Variants in GALE observed in about 807,000 individuals in gnomAD.
The protein encoded by GALE is UDP-galactose-4-epimerase, also known as UDP-glucose 4-epimerase.
GALE carries 32 observed loss-of-function variants against 44.1 expected under a neutral mutation model. The ratio of observed to expected loss-of-function variants is 0.73; its 90% confidence interval spans 0.55 to 0.97. GALE has a LOEUF of 0.97. Among genes scored for constraint, GALE ranks in the 50% least tolerant of loss-of-function variants. The probability of loss-of-function intolerance (pLI) is 0.00; values close to 1 mark genes in which losing one functional copy is unlikely to be tolerated. For synonymous variants in GALE, 182 were observed against 183.5 expected (o/e 0.99, Z 0.06); for missense variants, 423 against 455.6 (o/e 0.93, Z 0.65).
intron 5 of GALE, 95 bp from the exon 6 acceptor site, chr1:23,797,966 ACT>A: frequency 7.2e-7 from 1 of 1,392,426 alleles, no homozygotes; most frequent in South Asian, 1.2e-5. Context: ...GGTGATGAGC[ACT>A]CTCATTTACA....
At chr1:23,800,320 C>A in intron 1 of GALE, 1 of 152,750 alleles carries the variant, frequency 6.5e-6, no homozygotes, top group South Asian at 1.9e-4. Context: ...CGAAAGTGGT[C>A]GCAGAGAGGC....
Position 23,796,226 on chromosome 1 carries a change from C to A in GALE, c.913G>T (p.Ala305Ser), listed in dbSNP as rs1252015572. The A allele has an allele frequency of 6.2e-7, 1 of 1,614,040 alleles. No individual in the cohort carries two copies. The highest frequency in any genetic ancestry group is 8.5e-7 in the Non-Finnish European group (1 of 1,180,024). The change falls in exon 11 of 12, where the codon GCA becomes TCA. Residue 305 changes from alanine (A) to serine (S), a missense_variant. Ala to Ser is a moderately conservative substitution (Grantham distance 99). Transcript: ENST00000617979. The surrounding 1 kb of genome is among the most constrained non-coding windows in gnomAD (Gnocchi z 5.2). ...AGGCTGGGGTTGGCGTAACAGGCTG[C>A]CACATCACCTTCCCGCCGTGCCACC... ...KVVARREGDV[A>S]ACYANPSLAQ... is the part of the protein sequence containing the mutation.
In GALE at chr1:23,796,109, C is replaced by T. The variant is rs200670434; in HGVS notation, c.988+42G>A. 10 of 1,604,418 alleles carry T rather than the reference C, an allele frequency of 6.2e-6. No homozygotes were observed. In the Admixed American group the frequency reaches 6.7e-5, roughly 11 times the overall value. On this transcript the variant is annotated intron_variant, in intron 11 of 11. Coordinates refer to ENST00000617979, the MANE Select transcript of GALE (RefSeq NM_001008216.2). The surrounding 1 kb of genome is among the most constrained non-coding windows in gnomAD (Gnocchi z 5.2). ...TGGGCATGCCCAGATCTGATTTAGCCCCTCCCTGGCCCCTAACTGCAGGGG... is the reference window on the plus strand; with the variant it reads ...TGGGCATGCCCAGATCTGATTTAGCTCCTCCCTGGCCCCTAACTGCAGGGG...
At position 23,798,876 on chromosome 1, in the gene GALE, G is replaced by A. The variant is rs1639048087; in HGVS notation, c.121+11C>T. On this transcript the variant is annotated intron_variant, in intron 3 of 11. Coordinates refer to ENST00000617979, the MANE Select transcript of GALE (RefSeq NM_001008216.2). The surrounding 1 kb of genome is among the most constrained non-coding windows in gnomAD (Gnocchi z 4.5). ...CCCCTCAAGTAGCCCCAGCCCCACT[G>A]CCCCGCTCACCACGGAAGGCATTAT... The A allele has an allele frequency of 4.3e-6, 7 of 1,614,154 alleles. No homozygotes were observed. Among genetic ancestry groups the A allele is most frequent in the Non-Finnish European group, 5.9e-6 (7 of 1,180,008 alleles).
Position 23,798,911 on chromosome 1 carries a change from C to G in GALE, c.97G>C (p.Asp33His). ...CCACGGAAGGCATTATGGAAGTTAT[C>G]GATGACCACAGGCAAGTAGCCAGCC... ...LEAGYLPVVI[D>H]NFHNAFRGGG... is the part of the protein sequence containing the mutation. The change falls in exon 3 of 12, where the codon GAT becomes CAT. Residue 33 changes from aspartate (D) to histidine (H), a missense_variant. Asp to His is a moderately conservative substitution (Grantham distance 81). Transcript: ENST00000617979. This position sits in a 1 kb window ranked among gnomAD's most constrained non-coding sequence, Gnocchi z 4.5. 1 of 1,614,190 alleles carries G rather than the reference C, an allele frequency of 6.2e-7. No individual in the cohort carries two copies. Among genetic ancestry groups the G allele is most frequent in the Non-Finnish European group, 8.5e-7 (1 of 1,180,028 alleles).
chr1:23,797,958 T>A, intron 5 of GALE, 87 bp from the exon 6 acceptor site: 2 of 1,433,100 alleles, frequency 1.4e-6, no homozygotes, highest in Non-Finnish European at 2.0e-6. Context: ...GGGGCTGAGG[T>A]GATGAGCACT....
At position 23,796,106 on chromosome 1, in the gene GALE, A is replaced by G; in HGVS notation, c.988+45T>C. On this transcript the variant is annotated intron_variant, in intron 11 of 11. Coordinates refer to ENST00000617979, the MANE Select transcript of GALE (RefSeq NM_001008216.2). This position sits in a 1 kb window ranked among gnomAD's most constrained non-coding sequence, Gnocchi z 5.2. ...GGGTGGGCATGCCCAGATCTGATTT[A>G]GCCCCTCCCTGGCCCCTAACTGCAG... 6.3e-7 allele frequency: 1 copy of G among 1,598,582 alleles called. No homozygotes were observed. Among genetic ancestry groups the G allele is most frequent in the Non-Finnish European group, 8.6e-7 (1 of 1,166,168 alleles).
In GALE at chr1:23,798,292, C is replaced by T; in HGVS notation, c.238-62G>A. On this transcript the variant is annotated intron_variant, in intron 4 of 11. Coordinates refer to ENST00000617979, the MANE Select transcript of GALE (RefSeq NM_001008216.2). The surrounding 1 kb of genome is among the most constrained non-coding windows in gnomAD (Gnocchi z 4.5). ...TTTTAGTCCTTGGCAATGCCCTCAGCCTGCCTGCCTGCACTCACCTTTTTT... is the reference window on the plus strand; with the variant it reads ...TTTTAGTCCTTGGCAATGCCCTCAGTCTGCCTGCCTGCACTCACCTTTTTT... The T allele has an allele frequency of 4.3e-6, 5 of 1,166,400 alleles. No individual in the cohort carries two copies. Among genetic ancestry groups the T allele is most frequent in the Non-Finnish European group, 6.4e-6 (5 of 778,748 alleles). The allele number at this position is 1,166,400 out of a possible 1,614,324, so 72.3% of individuals were successfully genotyped here. A position where few individuals can be genotyped will look rare whatever the true frequency, so the allele number is the denominator to read the frequency against.
chr1:23,798,351 C>G lies in GALE; in HGVS notation c.238-121G>C. 1.3e-6 allele frequency: 1 copy of G among 776,400 alleles called. No individual in the cohort carries two copies. The highest frequency in any genetic ancestry group is 2.2e-6 in the Non-Finnish European group (1 of 452,948). The allele number at this position is 776,400 out of a possible 1,614,324, so 48.1% of individuals were successfully genotyped here. The stretch of plus-strand genomic sequence containing the variant: ...TGACAGTCTCGCTCTGTTGTCCAGG[C>G]TGGAGTACAGTGGTGCCATCTCAGC... On this transcript the variant is annotated intron_variant, in intron 4 of 11. Transcript: ENST00000617979. This position sits in a 1 kb window ranked among gnomAD's most constrained non-coding sequence, Gnocchi z 4.5.
rs1177330428 is a variant in GALE, at chr1:23,797,821, A to G, written c.402T>C (p.Thr134=). 1 of 1,614,188 alleles carries G rather than the reference A, an allele frequency of 6.2e-7. No individual in the cohort carries two copies. Residue 134 remains threonine, a synonymous_variant, in exon 6 of 12, where the codon ACT becomes ACC. Coordinates refer to ENST00000617979, the MANE Select transcript of GALE (RefSeq NM_001008216.2). ...VKNLVFSSSA[T]VYGNPQYLPL... ...GCAGGTACTGGGGGTTCCCGTACAC[A>G]GTGGCTGAGCTGCTGAACACCAGGT...
Position 23,797,065 on chromosome 1 carries a change from A to G in GALE, c.611T>C (p.Ile204Thr), listed in dbSNP as rs143924570. The change falls in exon 7 of 12, where the codon ATA (isoleucine) becomes ACA (threonine). Residue 204 changes from isoleucine (I) to threonine (T), a missense_variant. Coordinates refer to ENST00000617979, the MANE Select transcript of GALE (RefSeq NM_001008216.2). The stretch of plus-strand genomic sequence containing the variant: ...GACATAAGGCATGAGGTTGTTGGGT[A>G]TGCCCTGGGGATCCTCACCAATGCA... The part of the protein sequence containing the change: ...SGCIGEDPQG[I>T]PNNLMPYVSQ... 160 of 1,613,790 alleles carry G rather than the reference A, an allele frequency of 9.9e-5. 1 individual carries two copies. In the African/African-American group the frequency reaches 1.5e-3, roughly 15 times the overall value.
In GALE at chr1:23,796,063, C is replaced by G; in HGVS notation, c.989-56G>C. 3.7e-6 allele frequency: 6 copies of G among 1,607,078 alleles called. No homozygotes were observed. The East Asian group carries it at 6.7e-5, about 18-fold the overall frequency. ...CCACGGTGGAATGCAGAGCCTCCCC[C>G]ACCCCACAGCCCGCCCTGGGTGGGC... On this transcript the variant is annotated intron_variant, in intron 11 of 11. Coordinates refer to ENST00000617979, the MANE Select transcript of GALE (RefSeq NM_001008216.2). The surrounding 1 kb of genome is among the most constrained non-coding windows in gnomAD (Gnocchi z 5.2).
rs199709898 is a variant in GALE, at chr1:23,798,256, T to G, written c.238-26A>C. ...CTGCAGGGGTGACATGGCCAGAGGT[T>G]GCTCTACTGGTTTTAGTCCTTGGCA... On this transcript the variant is annotated intron_variant, in intron 4 of 11. Transcript: ENST00000617979. The surrounding 1 kb of genome is among the most constrained non-coding windows in gnomAD (Gnocchi z 4.5). The G allele has an allele frequency of 9.5e-5, 148 of 1,564,632 alleles. No homozygotes were observed. In the African/African-American group the frequency reaches 1.9e-3, roughly 20 times the overall value.
rs142821993 is a variant in GALE at position 23,798,680 on chromosome 1, G to T, written c.172C>A (p.Arg58Ser). The T allele has an allele frequency of 2.5e-6, 4 of 1,613,714 alleles. No individual in the cohort carries two copies. The highest frequency in any genetic ancestry group is 3.4e-6 in the Non-Finnish European group (4 of 1,179,766). The change falls in exon 4 of 12, where the codon CGC (arginine) becomes AGC (serine). Residue 58 changes from arginine (R) to serine (S), a missense_variant. Transcript: ENST00000617979. The surrounding 1 kb of genome is among the most constrained non-coding windows in gnomAD (Gnocchi z 4.5). ...TCCATCTCCTCAAACTCCACAGAGC[G>T]GCCTGTCAGCTCCTGGACCCGCCGC... ...SLRRVQELTGRSVEFEEMDIL... is the reference protein window; with the variant it reads ...SLRRVQELTGSSVEFEEMDIL...
chr1:23,797,186 G>A (rs1638987403), intron 6 of GALE, 39 bp from the exon 7 acceptor site: 1 of 1,433,532 alleles, frequency 7.0e-7, no homozygotes, highest in Admixed American at 1.9e-5. Flanking sequence ...CAGAGGCACA[G>A]GCAGCGTGTC....
rs771619008 is a variant in GALE, at chr1:23,797,737, G to A, written c.486C>T (p.Phe162=). The change falls in exon 6 of 12, where the codon TTC becomes TTT. Residue 162 remains phenylalanine (F), a synonymous_variant. Transcript: ENST00000617979. The stretch of plus-strand genomic sequence containing the variant: ...GGTCCCGGATCATTTCCTCGATGAA[G>A]AACTTGGACTTGCCGTAAGGGTTGG... ...GCTNPYGKSK[F]FIEEMIRDLC... 2 of 1,614,126 alleles carry A rather than the reference G, an allele frequency of 1.2e-6. No individual in the cohort carries two copies. The highest frequency in any genetic ancestry group is 2.2e-5 in the East Asian group (1 of 44,854).
Position 23,798,863 on chromosome 1 carries a change from C to T in GALE, c.121+24G>A, listed in dbSNP as rs1639047070. On this transcript the variant is annotated intron_variant, in intron 3 of 11. Transcript: ENST00000617979. This position sits in a 1 kb window ranked among gnomAD's most constrained non-coding sequence, Gnocchi z 4.5. ...TTGCTTCTGCCATCCCCTCAAGTAG[C>T]CCCAGCCCCACTGCCCCGCTCACCA... 6.2e-7 allele frequency: 1 copy of T among 1,614,162 alleles called. No individual in the cohort carries two copies. Among genetic ancestry groups the T allele is most frequent in the Non-Finnish European group, 8.5e-7 (1 of 1,180,014 alleles).
Position 23,798,880 on chromosome 1 carries a change from C to T in GALE, c.121+7G>A, listed in dbSNP as rs904759055. On this transcript the variant is annotated splice_region_variant and intron_variant, in intron 3 of 11. Coordinates refer to ENST00000617979, the MANE Select transcript of GALE (RefSeq NM_001008216.2). The surrounding 1 kb of genome is among the most constrained non-coding windows in gnomAD (Gnocchi z 4.5). ...TCAAGTAGCCCCAGCCCCACTGCCC[C>T]GCTCACCACGGAAGGCATTATGGAA... is the stretch of plus-strand genomic sequence containing the variant. The T allele has an allele frequency of 5.6e-6, 9 of 1,614,180 alleles. No individual in the cohort carries two copies. The highest frequency in any genetic ancestry group is 1.6e-4 in the Middle Eastern group (1 of 6,062).
rs1389850501 is a variant in GALE at position 23,798,314 on chromosome 1, T to A, written c.238-84A>T. On this transcript the variant is annotated intron_variant, in intron 4 of 11. Transcript: ENST00000617979. The surrounding 1 kb of genome is among the most constrained non-coding windows in gnomAD (Gnocchi z 4.5). ...CAGCCTGCCTGCCTGCACTCACCTT[T>A]TTTTTTTTTTTTGACAGTCTCGCTC... 1 of 878,960 alleles carries A rather than the reference T, an allele frequency of 1.1e-6. No individual in the cohort carries two copies. Among genetic ancestry groups the A allele is most frequent in the Non-Finnish European group, 1.8e-6 (1 of 547,462 alleles). The allele number at this position is 878,960 out of a possible 1,614,324, so 54.4% of individuals were successfully genotyped here. A position where few individuals can be genotyped will look rare whatever the true frequency, so the allele number is the denominator to read the frequency against.
Sources: gnomAD v4.1 joint callset for allele counts on GRCh38, gnomAD v4.1.1 for gene constraint, Gnocchi (gnomAD v3.1) non-coding constraint, MANE v1.5 for transcripts, NCBI Gene and HGNC (gene_info 2026-07-23, HGNC 2026-07-21) for gene names.